The following MYRIP variants were observed in gnomAD, a reference collection of about 807,000 sequenced individuals.
MYRIP encodes the protein rab effector MyRIP.
A neutral mutation model predicts 98.0 loss-of-function variants in MYRIP; 49 were observed. The ratio of observed to expected loss-of-function variants is 0.50; its 90% CI spans 0.40 to 0.63. The LOEUF (loss-of-function observed/expected upper bound fraction) is 0.63, where lower values mean the gene tolerates loss of function less well. Among genes scored for constraint, MYRIP ranks in the 30% least tolerant of loss-of-function variants. The probability of loss-of-function intolerance (pLI) is 0.00; values close to 1 mark genes in which losing one functional copy is unlikely to be tolerated. For missense variants in MYRIP, 1,004 were observed against 1,058.2 expected, an observed-to-expected ratio of 0.95 and a Z score of 0.71; for synonymous variants, 404 against 409.5, an observed-to-expected ratio of 0.99 and a Z score of 0.16.
chr3:39,912,388 C>T (rs768193042), intron 2 of MYRIP, among the ~76,000 whole-genome samples: 1 of 152,138 alleles, frequency 6.6e-6, no homozygotes, highest in Non-Finnish European at 1.5e-5. Flanking sequence ...TAAAAAGTTA[C>T]AAAAACTGCT....
intron 11 of MYRIP, among the ~76,000 whole-genome samples, chr3:40,231,651 C>G (rs1952663006): frequency 6.6e-6 from 1 of 152,216 alleles, no homozygotes; most frequent in South Asian, 2.1e-4. Context: ...ACAGATCACT[C>G]TTTCTGTTTA....
intron 3 of MYRIP, among the ~76,000 whole-genome samples, chr3:40,139,027 G>A (rs962621904): frequency 2.0e-5 from 3 of 152,010 alleles, no homozygotes; most frequent in Non-Finnish European, 4.4e-5. Context: ...TTACTTCTAT[G>A]AGATCAATTT....
At chr3:40,112,904 A>T (rs1352439950) in intron 3 of MYRIP, among the ~76,000 whole-genome samples, 1 of 152,150 alleles carries the variant, frequency 6.6e-6, no homozygotes, top group Non-Finnish European at 1.5e-5. Context: ...AAGCCACCCT[A>T]CCAGAAACTA....
chr3:39,890,448 C>T (rs954625292), intron 1 of MYRIP, among the ~76,000 whole-genome samples: 10 of 151,844 alleles, frequency 6.6e-5, no homozygotes, highest in African/African-American at 2.2e-4. Flanking sequence ...TTCCAGTGTT[C>T]CAGTAAGTCT....
chr3:39,814,223 T>A (rs151262219), intron 1 of MYRIP, among the ~76,000 whole-genome samples: 2 of 152,222 alleles, frequency 1.3e-5, no homozygotes, highest in African/African-American at 4.8e-5. Context: ...GCCCTCCTAC[T>A]GCATTGTGTT....
chr3:39,897,777 G>A (rs1206795884), intron 1 of MYRIP, among the ~76,000 whole-genome samples: 2 of 150,688 alleles, frequency 1.3e-5, no homozygotes, highest in African/African-American at 4.9e-5. Context: ...TCTCTGACTT[G>A]TCCATTTGGA....
intron 4 of MYRIP, among the ~76,000 whole-genome samples, chr3:40,153,726 G>C (rs1950164557): frequency 1.3e-5 from 2 of 152,172 alleles, no homozygotes; most frequent in African/African-American, 4.8e-5. Flanking sequence ...TTGATTGTCA[G>C]AACATGATAT....
At chr3:39,936,279 G>A (rs1029520022) in intron 2 of MYRIP, among the ~76,000 whole-genome samples, 2 of 152,170 alleles carry the variant, frequency 1.3e-5, no homozygotes, top group African/African-American at 2.4e-5. Context: ...ATTTCTTTCT[G>A]AATCCTCAAG....
At chr3:39,823,442 G>T (rs1941173331) in intron 1 of MYRIP, among the ~76,000 whole-genome samples, 1 of 152,158 alleles carries the variant, frequency 6.6e-6, no homozygotes, top group Admixed American at 6.5e-5. Context: ...GTTCTCCATA[G>T]TGGCTGTCCT....
At chr3:39,867,717 G>A (rs1942666824) in intron 1 of MYRIP, among the ~76,000 whole-genome samples, 1 of 152,140 alleles carries the variant, frequency 6.6e-6, no homozygotes, top group African/African-American at 2.4e-5. Context: ...AATTGGTACG[G>A]CCATTATGGA....
Position 40,170,034 on chromosome 3 carries a change from G to A in MYRIP, c.814G>A (p.Val272Met). The A allele has an allele frequency of 6.2e-7, 1 of 1,614,250 alleles. No homozygotes were observed. Among genetic ancestry groups the A allele is most frequent in the East Asian group, 2.2e-5 (1 of 44,880 alleles). The part of the protein sequence containing the change: ...WPHPQSCSTK[V>M]ADEGTSASPG... ...ACATCCCCAGAGTTGCAGCACAAAG[G>A]TGGCAGATGAGGGGACCTCAGCATC... is the stretch of plus-strand genomic sequence containing the variant. Residue 272 changes from valine (V) to methionine (M), a missense_variant, in exon 8 of 17, where the codon GTG (valine) becomes ATG (methionine). This residue lies in a region of MYRIP where 880 missense variants were observed against 907.7 expected (regional missense o/e 0.97). Coordinates refer to ENST00000302541, the MANE Select transcript of MYRIP (RefSeq NM_015460.4).
At chr3:39,974,029 A>G (rs966464911) in intron 2 of MYRIP, among the ~76,000 whole-genome samples, 4 of 152,208 alleles carry the variant, frequency 2.6e-5, no homozygotes, top group African/African-American at 9.6e-5. Flanking sequence ...AGCTAGCAGA[A>G]GGCAAGAAAT....
chr3:40,212,204 ACGTG>A lies in MYRIP; in HGVS notation c.1905+2112_1905+2115del, dbSNP rs1559456716. 6.8e-4 allele frequency among the ~76,000 whole-genome samples: 41 copies of A among 60,088 alleles called. 4 individuals are homozygous for A. The highest frequency in any genetic ancestry group is 1.3e-3 in the Non-Finnish European group (31 of 23,882). 39.4% of individuals were successfully genotyped at this position (60,088 alleles called of 152,430 possible). ...CGTGTATGTGTATATACATATATAT[ACGTG>A]TGTGTATATATATATATACACACAC... On this transcript the variant is annotated intron_variant, in intron 11 of 16. Coordinates refer to ENST00000302541, the MANE Select transcript of MYRIP (RefSeq NM_015460.4).
intron 3 of MYRIP, among the ~76,000 whole-genome samples, chr3:40,056,870 T>C (rs975797666): frequency 6.6e-6 from 1 of 152,188 alleles, no homozygotes; most frequent in Non-Finnish European, 1.5e-5. Flanking sequence ...TGGAATTAAA[T>C]ACTTGAATTG....
At position 40,066,600 on chromosome 3, in the gene MYRIP, C is replaced by G. The variant is rs141114383; in HGVS notation, c.332+22329C>G. ...TTGTACCTCTAGTTTGAATGTATGT[C>G]AGATTACTGACTCATATATCCTGGT... On this transcript the variant is annotated intron_variant, in intron 3 of 16. Coordinates refer to ENST00000302541, the MANE Select transcript of MYRIP (RefSeq NM_015460.4). Among the ~76,000 whole-genome samples the G allele has an allele frequency of 7.4e-4, 113 of 152,242 alleles. 3 individuals carry two copies. In the East Asian group the frequency reaches 0.021, roughly 28 times the overall value.
chr3:40,199,473 A>G lies in MYRIP; in HGVS notation c.1665+9010A>G, dbSNP rs145980553. Among the ~76,000 whole-genome samples the G allele has an allele frequency of 7.6e-3, 1,157 of 152,184 alleles. 3 individuals are homozygous for G. Among genetic ancestry groups the G allele is most frequent in the Non-Finnish European group, 0.014 (964 of 67,998 alleles). ...TGAGTGTTGTGGAGCTCTGCATTCG[A>G]GGGGATGCTCTCTGACAAGTGCTTG... On this transcript the variant is annotated intron_variant, in intron 10 of 16. Transcript: ENST00000302541.
intron 1 of MYRIP, among the ~76,000 whole-genome samples, chr3:39,830,425 T>A (rs1044474870): frequency 6.6e-6 from 1 of 152,194 alleles, no homozygotes; most frequent in African/African-American, 2.4e-5. Context: ...TCTTCATTGA[T>A]GTCTCACATT....
intron 12 of MYRIP, among the ~76,000 whole-genome samples, chr3:40,236,052 A>G (rs1952815264): frequency 6.6e-6 from 1 of 152,208 alleles, no homozygotes; most frequent in South Asian, 2.1e-4. Context: ...TGTGCTACAT[A>G]ATAAGGTTTT....
intron 2 of MYRIP, among the ~76,000 whole-genome samples, chr3:39,956,987 T>G (rs778075298): frequency 5.3e-5 from 8 of 151,770 alleles, no homozygotes; most frequent in Non-Finnish European, 1.2e-4. Context: ...AGGAAGAAGT[T>G]GAATCCCTGA....
Sources: gnomAD v4.1 joint callset for allele counts (sites outside exome capture counted in the v4.1 genomes callset) on GRCh38, gnomAD v4.1.1 for gene constraint, gnomAD v4.1.1 regional missense constraint, MANE v1.5 for transcripts, NCBI Gene and HGNC (gene_info 2026-07-23, HGNC 2026-07-21) for gene names.